TRPM1: variants seen among roughly 807,000 people sequenced by gnomAD.
TRPM1 encodes TRPM1-203 APA Isoform, Intron 10.
TRPM1 carries 113 observed loss-of-function variants against 149.4 expected under a neutral mutation model. That is an observed-to-expected ratio of 0.76 (90% CI 0.65 to 0.88). TRPM1 has a LOEUF of 0.88. TRPM1 is among the 40% of genes least tolerant of loss of function. The pLI is 0.00. For synonymous variants in TRPM1, 741 were observed against 759.5 expected (o/e 0.98, Z 0.40); for missense variants, 1,976 against 2,038.7 (o/e 0.97, Z 0.59).
chr15:31,151,628 G>T (rs1026156411), intron 1 of TRPM1, among the ~76,000 whole-genome samples: 2 of 152,226 alleles, frequency 1.3e-5, no homozygotes, highest in African/African-American at 4.8e-5. Flanking sequence ...CCAGCCCAGT[G>T]GTGCTTCTTG....
chr15:31,103,843 A>T (rs985670540), upstream of TRPM1, among the ~76,000 whole-genome samples: 2 of 151,776 alleles, frequency 1.3e-5, no homozygotes, highest in African/African-American at 4.8e-5. Context: ...GAAAGAAAGA[A>T]AAAGAAAAAA....
At chr15:31,017,477 T>A (rs189865137) in intron 27 of TRPM1, among the ~76,000 whole-genome samples, 16 of 152,304 alleles carry the variant, frequency 1.1e-4, no homozygotes, top group African/African-American at 3.8e-4. Flanking sequence ...CACATTGGCA[T>A]TCGGGATGAA....
chr15:31,014,726 A>C (rs573366495), intron 27 of TRPM1, among the ~76,000 whole-genome samples: 7 of 152,140 alleles, frequency 4.6e-5, no homozygotes, highest in African/African-American at 1.7e-4. Context: ...TGGTATGTGA[A>C]TAAGGAGCAG....
rs1238269327 is a variant in TRPM1, at chr15:31,061,431, T to A, written c.1162+11A>T. ...CAGAGGGACAGGAGTCACCATTTCC[T>A]GAGAGCTCACCTTTCAGCAGGGCAG... On this transcript the variant is annotated intron_variant, in intron 10 of 27. Coordinates refer to ENST00000256552, the MANE Select transcript of TRPM1 (RefSeq NM_001252024.2). 1 of 1,613,926 alleles carries A rather than the reference T, an allele frequency of 6.2e-7. No homozygotes were observed. The highest frequency in any genetic ancestry group is 8.5e-7 in the Non-Finnish European group (1 of 1,179,828).
intron 15 of TRPM1, among the ~76,000 whole-genome samples, chr15:31,046,845 C>T (rs1054115539): frequency 1.3e-5 from 2 of 152,028 alleles, no homozygotes; most frequent in African/African-American, 2.4e-5. Flanking sequence ...TAGGCTGGAG[C>T]AGGCAGACAG....
chr15:31,113,007 G>C (rs1183238026), intron 1 of TRPM1, among the ~76,000 whole-genome samples: 1 of 152,174 alleles, frequency 6.6e-6, no homozygotes, highest in Non-Finnish European at 1.5e-5. Flanking sequence ...CTGAGGTGCC[G>C]GTAAGTGTTC....
intron 1 of TRPM1, among the ~76,000 whole-genome samples, chr15:31,091,231 G>A (rs1004008651): frequency 1.3e-5 from 2 of 152,180 alleles, no homozygotes; most frequent in African/African-American, 4.8e-5. Flanking sequence ...GCTGGAGATC[G>A]GACACAATGA....
rs548832086 is a variant in TRPM1 at position 31,051,973 on chromosome 15, T to C, written c.1264-1391A>G. Among the ~76,000 whole-genome samples the C allele has an allele frequency of 3.3e-5, 5 of 152,356 alleles. No homozygotes were observed. The East Asian group carries it at 9.6e-4, about 29-fold the overall frequency. Reference sequence around the variant, plus strand: ...ATCTCAGTCCCTCCAGTGCCCTCAATGATTCATCTACCCCTATGTGCAGCC... The same window carrying C: ...ATCTCAGTCCCTCCAGTGCCCTCAACGATTCATCTACCCCTATGTGCAGCC... On this transcript the variant is annotated intron_variant, in intron 11 of 27. Transcript: ENST00000256552.
chr15:31,050,481 G>A lies in TRPM1; in HGVS notation c.1365C>T (p.Gly455=). Residue 455 remains glycine, a synonymous_variant, in exon 12 of 28, where the codon GGC becomes GGT. Coordinates refer to ENST00000256552, the MANE Select transcript of TRPM1 (RefSeq NM_001252024.2). The part of the protein sequence containing the change: ...TTKGGRGKGK[G]KKKGKVKEEV... The stretch of plus-strand genomic sequence containing the variant: ...CCTCTTTCACTTTCCCTTTCTTCTT[G>A]CCTTTCCCTTTTCCTCTTCCTCCCT... 1 of 1,613,962 alleles carries A rather than the reference G, an allele frequency of 6.2e-7. No homozygotes were observed. Among genetic ancestry groups the A allele is most frequent in the Non-Finnish European group, 8.5e-7 (1 of 1,179,990 alleles).
At chr15:31,077,106 ATGG>A (rs1341092944) in intron 2 of TRPM1, 122 bp from the exon 3 acceptor site, 1 of 708,420 alleles carries the variant, frequency 1.4e-6, no homozygotes, top group Non-Finnish European at 2.5e-6. Context: ...ATCTGCAATA[ATGG>A]TGGATGCAAG....
intron 1 of TRPM1, among the ~76,000 whole-genome samples, chr15:31,107,298 C>T (rs2035619498): frequency 6.6e-6 from 1 of 152,160 alleles, no homozygotes; most frequent in Admixed American, 6.5e-5. Context: ...TTTGTCTTTG[C>T]AGGAATTTGT....
intron 1 of TRPM1, among the ~76,000 whole-genome samples, chr15:31,159,740 C>T (rs2036422100): frequency 2.0e-5 from 3 of 152,180 alleles, no homozygotes; most frequent in Admixed American, 6.5e-5. Context: ...GGTTCAACAT[C>T]TGCTTCTGCC....
rs774114402 is a variant in TRPM1 at position 31,027,134 on chromosome 15, T to C, written c.3294-17A>G. The stretch of plus-strand genomic sequence containing the variant: ...AAGGTATTGCTTTAAAAAGAAGACA[T>C]TTTTACAGTTAGTTATATTACTTTT... On this transcript the variant is annotated splice_polypyrimidine_tract_variant and intron_variant, in intron 25 of 27. Coordinates refer to ENST00000256552, the MANE Select transcript of TRPM1 (RefSeq NM_001252024.2). The C allele has an allele frequency of 9.9e-6, 16 of 1,609,058 alleles. No homozygotes were observed. The East Asian group carries it at 3.6e-4, about 36-fold the overall frequency.
intron 12 of TRPM1, 123 bp downstream of exon 12, chr15:31,050,286 C>G: frequency 1.4e-6 from 2 of 1,415,220 alleles, no homozygotes; most frequent in South Asian, 2.3e-5. Flanking sequence ...ACTACCCAGT[C>G]AAGCCTTTAC....
chr15:31,100,102 T>C (rs1449786418), intron 1 of TRPM1, among the ~76,000 whole-genome samples: 1 of 150,496 alleles, frequency 6.6e-6, no homozygotes, highest in African/African-American at 2.4e-5. Flanking sequence ...TTTTTTTTGA[T>C]GGAGTCTCAC....
rs1444214067 is a variant in TRPM1, at chr15:31,042,004, G to A, written c.2034C>T (p.Ser678=). ...TGTCATCCACCAGATCACTCTCGGA[G>A]GACTCGTGGGCCATGGCCTTGTAGA... ...CKLYKAMAHE[S]SESDLVDDIS... The change falls in exon 17 of 28, where the codon TCC becomes TCT. Residue 678 remains serine, a synonymous_variant. Coordinates refer to ENST00000256552, the MANE Select transcript of TRPM1 (RefSeq NM_001252024.2). 1.2e-6 allele frequency: 2 copies of A among 1,614,082 alleles called. No homozygotes were observed. Among genetic ancestry groups the A allele is most frequent in the African/African-American group, 1.3e-5 (1 of 74,926 alleles).
intron 11 of TRPM1, chr15:31,060,340 G>T (rs184654709): frequency 3.2e-6 from 2 of 623,110 alleles, no homozygotes; most frequent in African/African-American, 3.7e-5. Flanking sequence ...TTCTTCAGGA[G>T]TACTGGTTTG....
intron 3 of TRPM1, among the ~76,000 whole-genome samples, chr15:31,071,534 G>A (rs895000702): frequency 5.9e-5 from 9 of 151,614 alleles, no homozygotes; most frequent in Non-Finnish European, 8.8e-5. Flanking sequence ...TTCCCTCCTC[G>A]CTTCCCCATT....
intron 13 of TRPM1, among the ~76,000 whole-genome samples, chr15:31,048,927 T>C (rs1467647103): frequency 6.6e-6 from 1 of 152,150 alleles, no homozygotes; most frequent in African/African-American, 2.4e-5. Flanking sequence ...TATATTGTAA[T>C]AATATAAGCC....
Sources: allele counts gnomAD v4.1 joint callset (sites outside exome capture counted in the v4.1 genomes callset), GRCh38; gene constraint gnomAD v4.1.1; transcripts MANE v1.5; gene names NCBI Gene and HGNC (gene_info 2026-07-23, HGNC 2026-07-21).